The following LARGE1 variants were observed in gnomAD, a reference collection of about 807,000 sequenced individuals.
LARGE1 encodes the protein LARGE xylosyl- and glucuronyltransferase 1.
LARGE1 carries 43 observed loss-of-function variants against 87.6 expected under a neutral mutation model. That is an observed-to-expected ratio of 0.49 (90% CI 0.38 to 0.63). LARGE1 has a LOEUF of 0.63. Among genes scored for constraint, LARGE1 ranks in the 30% least tolerant of loss-of-function variants. The pLI is 0.00. For missense variants in LARGE1, 802 were observed against 1,000.2 expected, an observed-to-expected ratio of 0.80 and a Z score of 2.67; for synonymous variants, 434 against 394.6, an observed-to-expected ratio of 1.10 and a Z score of -1.18.
exon 12 of LARGE1, chr22:33,164,266 G>C (rs1319256823): frequency 1.3e-5 from 2 of 152,116 alleles, no homozygotes; most frequent in Non-Finnish European, 2.9e-5. Flanking sequence ...TTATCAGTGG[G>C]AGCTGATGTC....
At chr22:33,657,284 C>A (rs755026251) in intron 2 of LARGE1, 4 of 152,314 alleles carry the variant, frequency 2.6e-5, no homozygotes, top group Non-Finnish European at 5.9e-5. Context: ...CTTTATATGG[C>A]AAAATCTCCC....
intron 4 of LARGE1, among the ~76,000 whole-genome samples, chr22:33,614,701 C>T (rs978341727): frequency 1.3e-5 from 2 of 152,184 alleles, no homozygotes; most frequent in Non-Finnish European, 2.9e-5. Flanking sequence ...CATCACTCTC[C>T]ATCCCACTGT....
intron 7 of LARGE1, among the ~76,000 whole-genome samples, chr22:33,407,552 T>C (rs2066146939): frequency 6.6e-6 from 1 of 152,222 alleles, no homozygotes; most frequent in African/African-American, 2.4e-5. Context: ...AACCAATATT[T>C]ACTAGGCATC....
chr22:33,305,983 C>T (rs536617860), intron 11 of LARGE1, among the ~76,000 whole-genome samples: 10 of 151,984 alleles, frequency 6.6e-5, no homozygotes, highest in South Asian at 2.1e-4. Flanking sequence ...GGATTACAGC[C>T]GCCCGCTACC....
At chr22:33,289,902 C>G (rs1244877014) in intron 12 of LARGE1, among the ~76,000 whole-genome samples, 1 of 152,088 alleles carries the variant, frequency 6.6e-6, no homozygotes. Context: ...TTCGTATCCT[C>G]TTTTGCTCCA....
At chr22:33,348,289 C>CCCCAAAA (rs1569081859) in intron 9 of LARGE1, among the ~76,000 whole-genome samples, 7 of 124,054 alleles carry the variant, frequency 5.6e-5, no homozygotes, top group African/African-American at 1.2e-4. Context: ...CACCCCCCCC[C>CCCCAAAA]AAAAAAAAAG....
chr22:33,833,513 G>A (rs1568970487), intron 1 of LARGE1, among the ~76,000 whole-genome samples: 2 of 152,116 alleles, frequency 1.3e-5, no homozygotes, highest in East Asian at 3.9e-4. Context: ...CCTGGAAGAA[G>A]CCAACCTTGC....
chr22:33,254,918 G>T (rs6518814), intron 11 of LARGE1, among the ~76,000 whole-genome samples: 4,698 of 150,804 alleles, frequency 0.031, 254 homozygotes, highest in African/African-American at 0.11. Context: ...TTCCAGCTCT[G>T]CATGGTCTAC....
chr22:33,431,786 G>A (rs1601815051), intron 7 of LARGE1, among the ~76,000 whole-genome samples: 1 of 152,200 alleles, frequency 6.6e-6, no homozygotes, highest in South Asian at 2.1e-4. Flanking sequence ...GAATGTGATT[G>A]GCAAAAGTAC....
At chr22:33,365,499 T>C (rs751422298) in intron 9 of LARGE1, among the ~76,000 whole-genome samples, 3 of 152,218 alleles carry the variant, frequency 2.0e-5, no homozygotes, top group Admixed American at 6.5e-5. Flanking sequence ...GGCAACCAAG[T>C]GAAAGGACTG....
rs530457431 is a variant in LARGE1, at chr22:33,472,821, A to G, written c.788-40556T>C. On this transcript the variant is annotated intron_variant, in intron 6 of 14. Transcript: ENST00000397394. ...CTCCACTTTGTTTGGAATTTTACCA[A>G]GAGCTGCTCGTCATTTTGTAAAGTA... Among the ~76,000 whole-genome samples the G allele has an allele frequency of 9.8e-5, 15 of 152,356 alleles. No individual in the cohort carries two copies. The South Asian group carries it at 2.1e-3, about 21-fold the overall frequency.
Position 33,396,726 on chromosome 22 carries a change from C to T in LARGE1, c.893-12422G>A, listed in dbSNP as rs5998914. On this transcript the variant is annotated intron_variant, in intron 7 of 14. Transcript: ENST00000397394. Reference sequence around the variant, plus strand: ...CAAATAGAGGTATGTTCTAGGCAGACAGGGTGGGCTCCCAAAGGTGGGTGT... The same window carrying T: ...CAAATAGAGGTATGTTCTAGGCAGATAGGGTGGGCTCCCAAAGGTGGGTGT... Among the ~76,000 whole-genome samples the T allele has an allele frequency of 8.9e-3, 1,352 of 152,154 alleles. 21 individuals carry two copies. The highest frequency in any genetic ancestry group is 0.031 in the African/African-American group (1,279 of 41,512).
At chr22:33,764,424 T>C (rs2084833733) in intron 1 of LARGE1, among the ~76,000 whole-genome samples, 1 of 152,084 alleles carries the variant, frequency 6.6e-6, no homozygotes, top group African/African-American at 2.4e-5. Context: ...TATCCTCCTA[T>C]ATACTTTACT....
chr22:33,135,869 A>AAAT, the LARGE1 span, among the ~76,000 whole-genome samples: 1 of 151,886 alleles, frequency 6.6e-6, no homozygotes, highest in Non-Finnish European at 1.5e-5. Flanking sequence ...AAATAAAATA[A>AAAT]AATAAAATAA....
intron 10 of LARGE1, among the ~76,000 whole-genome samples, chr22:33,328,170 G>A (rs1937405747): frequency 6.6e-6 from 1 of 152,186 alleles, no homozygotes; most frequent in South Asian, 2.1e-4. Context: ...TTTAGATAGA[G>A]GAGTATTTTA....
At chr22:33,397,681 T>A (rs929270559) in intron 7 of LARGE1, among the ~76,000 whole-genome samples, 8 of 152,224 alleles carry the variant, frequency 5.3e-5, no homozygotes, top group Non-Finnish European at 8.8e-5. Flanking sequence ...TGCATTTCTG[T>A]TGAGTACATA....
intron 4 of LARGE1, among the ~76,000 whole-genome samples, chr22:33,611,114 G>C (rs1004246089): frequency 2.6e-5 from 4 of 152,250 alleles, no homozygotes; most frequent in African/African-American, 7.2e-5. Flanking sequence ...TGTTCTATTA[G>C]GGCAGTGCTT....
intron 7 of LARGE1, among the ~76,000 whole-genome samples, chr22:33,410,601 G>T (rs1380243740): frequency 6.6e-6 from 1 of 151,866 alleles, no homozygotes; most frequent in African/African-American, 2.4e-5. Flanking sequence ...GTTTCCTGAC[G>T]CCTCCCCAGC....
At chr22:33,402,504 A>G (rs1388022805) in intron 7 of LARGE1, among the ~76,000 whole-genome samples, 1 of 152,140 alleles carries the variant, frequency 6.6e-6, no homozygotes, top group Non-Finnish European at 1.5e-5. Context: ...AGCTGAGCAA[A>G]AAAATCAAGG....
Sources: gnomAD v4.1 joint callset for allele counts (sites outside exome capture counted in the v4.1 genomes callset) on GRCh38, gnomAD v4.1.1 for gene constraint, MANE v1.5 for transcripts, NCBI Gene and HGNC (gene_info 2026-07-23, HGNC 2026-07-21) for gene names.